Variants in GSAP observed in about 807,000 individuals in gnomAD.
The protein encoded by GSAP is gamma-secretase activating protein, also known as gamma-secretase-activating protein.
Under a neutral mutation model 131.7 loss-of-function variants are expected in GSAP, and 118 were observed. The observed-to-expected ratio is 0.90, with a 90% confidence interval of 0.77 to 1.04. The LOEUF (loss-of-function observed/expected upper bound fraction) is 1.04. Among genes scored for constraint, GSAP ranks in the 50% least tolerant of loss-of-function variants. The pLI, the probability that GSAP is intolerant of heterozygous loss-of-function variation, is 0.00. For synonymous variants in GSAP, 381 were observed against 363.4 expected (o/e 1.05, Z -0.55); for missense variants, 1,019 against 1,013.2 (o/e 1.01, Z -0.08).
chr7:77,379,831 A>G, intron 8 of GSAP: 7 of 982,230 alleles, frequency 7.1e-6, no homozygotes, highest in Non-Finnish European at 7.3e-6. Context: ...GGTAGCCCAG[A>G]GCTCCAGTGA....
Position 77,362,676 on chromosome 7 carries a change from T to C in GSAP, c.872-16A>G, listed in dbSNP as rs774501296. 3.5e-6 allele frequency: 5 copies of C among 1,443,734 alleles called. No homozygotes were observed. The highest frequency in any genetic ancestry group is 1.7e-4 in the Middle Eastern group (1 of 5,754). The allele number at this position is 1,443,734 out of a possible 1,614,324, so 89.4% of individuals were successfully genotyped here. On this transcript the variant is annotated splice_polypyrimidine_tract_variant and intron_variant, in intron 12 of 30. Coordinates refer to ENST00000257626, the MANE Select transcript of GSAP (RefSeq NM_017439.4). ...CACAAACTTCCTAGAAGAAAAAGGA[T>C]ATTTAGTAGAGTTTAACAGAATCTA... is the stretch of plus-strand genomic sequence containing the variant.
intron 19 of GSAP, chr7:77,330,697 T>A (rs1469564823): frequency 1.0e-6 from 1 of 996,170 alleles, no homozygotes; most frequent in Non-Finnish European, 1.2e-6. Context: ...TTAAACACAC[T>A]GAGTCATTTC....
rs761644718 is a variant in GSAP, at chr7:77,330,228, C to G, written c.1674+11G>C. The G allele has an allele frequency of 4.4e-6, 7 of 1,606,762 alleles. No homozygotes were observed. The South Asian group carries it at 6.7e-5, about 15-fold the overall frequency. ...TCGCTGCTGGCTTTGTTCTCACTGA[C>G]CCACTCATACCTCTTCAGAGATCAG... On this transcript the variant is annotated intron_variant, in intron 20 of 30. Transcript: ENST00000257626.
At chr7:77,341,950 C>T (rs1485830484) in intron 19 of GSAP, among the ~76,000 whole-genome samples, 1 of 152,212 alleles carries the variant, frequency 6.6e-6, no homozygotes, top group East Asian at 1.9e-4. Flanking sequence ...TTCAGGACCT[C>T]CTCCCCCAGG....
chr7:77,385,458 C>G (rs1456165270), intron 6 of GSAP, among the ~76,000 whole-genome samples: 4 of 152,196 alleles, frequency 2.6e-5, no homozygotes, highest in Admixed American at 2.6e-4. Context: ...CTTTTAAAAA[C>G]TTTTCCCCTT....
At chr7:77,387,622 T>TCC (rs1459783672) in intron 5 of GSAP, among the ~76,000 whole-genome samples, 174 bp from the exon 6 acceptor site, 3 of 152,132 alleles carry the variant, frequency 2.0e-5, no homozygotes, top group African/African-American at 7.2e-5. Flanking sequence ...GTAAATCTGT[T>TCC]CCCAGTTCTA....
intron 6 of GSAP, among the ~76,000 whole-genome samples, chr7:77,383,364 T>G (rs558690451): frequency 6.6e-6 from 1 of 152,118 alleles, no homozygotes; most frequent in Non-Finnish European, 1.5e-5. Flanking sequence ...ATAGTCGTTG[T>G]GCAACTAAAC....
At chr7:77,386,514 G>A (rs2151067294) in intron 6 of GSAP, among the ~76,000 whole-genome samples, 2 of 152,244 alleles carry the variant, frequency 1.3e-5, no homozygotes, top group East Asian at 3.9e-4. Context: ...TGTTTTGTGT[G>A]TTTCTATTTA....
chr7:77,344,931 C>A (rs910936407), intron 19 of GSAP, among the ~76,000 whole-genome samples: 2 of 151,968 alleles, frequency 1.3e-5, no homozygotes, highest in Admixed American at 1.3e-4. Flanking sequence ...TTACTCACTG[C>A]AACAACAACA....
chr7:77,336,862 G>C (rs1203001507), intron 19 of GSAP, among the ~76,000 whole-genome samples: 2 of 152,040 alleles, frequency 1.3e-5, no homozygotes, highest in Non-Finnish European at 2.9e-5. Context: ...ATAAAATTAA[G>C]GTTTATGGTA....
intron 19 of GSAP, among the ~76,000 whole-genome samples, chr7:77,334,427 G>T (rs946869640): frequency 6.6e-6 from 1 of 151,692 alleles, no homozygotes; most frequent in African/African-American, 2.4e-5. Context: ...CTGTTGGGGG[G>T]TTGGGGGAAG....
intron 19 of GSAP, among the ~76,000 whole-genome samples, chr7:77,343,071 G>T (rs1310542103): frequency 6.6e-6 from 1 of 152,208 alleles, no homozygotes; most frequent in Non-Finnish European, 1.5e-5. Context: ...GTGCAGGGCT[G>T]TATGGTTGGA....
intron 18 of GSAP, among the ~76,000 whole-genome samples, chr7:77,350,580 A>AAG (rs1469335405): frequency 1.3e-5 from 2 of 150,674 alleles, no homozygotes; most frequent in Non-Finnish European, 3.0e-5. Context: ...ACTAAAAAAA[A>AAG]AAAAAAAAAA....
rs530320266 is a variant in GSAP, at chr7:77,399,708, G to C, written c.244-2293C>G. Reference sequence around the variant, plus strand: ...CATTAACTCAAAACTTGAGGTGGGGGGGGGCGGGGCAAAGTGAAGTCAACC... The same window carrying C: ...CATTAACTCAAAACTTGAGGTGGGGCGGGGCGGGGCAAAGTGAAGTCAACC... On this transcript the variant is annotated intron_variant, in intron 3 of 30. Coordinates refer to ENST00000257626, the MANE Select transcript of GSAP (RefSeq NM_017439.4). 3.3e-5 allele frequency among the ~76,000 whole-genome samples: 5 copies of C among 152,056 alleles called. No individual in the cohort carries two copies. In the South Asian group the frequency reaches 1.0e-3, roughly 32 times the overall value.
chr7:77,316,494 C>A (rs183526066), intron 26 of GSAP, among the ~76,000 whole-genome samples: 47 of 152,262 alleles, frequency 3.1e-4, no homozygotes, highest in African/African-American at 1.0e-3. Context: ...AGTCCACTAG[C>A]TTCCCTGAGT....
In GSAP at chr7:77,355,571, G is replaced by T. The variant is rs777710001; in HGVS notation, c.1104C>A (p.His368Gln). Residue 368 changes from histidine (H) to glutamine (Q), a missense_variant, in exon 15 of 31, where the codon CAC becomes CAA. His to Gln is a conservative substitution (Grantham distance 24). Transcript: ENST00000257626. ...LNVQHPDLIC[H>Q]NLFLTGNNEM... The stretch of plus-strand genomic sequence containing the variant: ...TAGCCGTACCTGTCAGAAAGAGATT[G>T]TGGCAGATCAGGTCTGGATGTTGAA... The T allele has an allele frequency of 1.2e-6, 2 of 1,609,098 alleles. No individual in the cohort carries two copies. Among genetic ancestry groups the T allele is most frequent in the Admixed American group, 1.7e-5 (1 of 59,988 alleles).
In GSAP at chr7:77,364,672, TAATAA is replaced by T. The variant is rs201616623; in HGVS notation, c.872-2017_872-2013del. Among the ~76,000 whole-genome samples the T allele has an allele frequency of 3.2e-3, 482 of 152,136 alleles. 1 individual carries two copies. Among genetic ancestry groups the T allele is most frequent in the Admixed American group, 7.2e-3 (109 of 15,214 alleles). ...ATGTACCCTAAAACTTAAAGTGTAA[TAATAA>T]AATAAAATGAGATGTAGAATAAATG... On this transcript the variant is annotated intron_variant, in intron 12 of 30. Coordinates refer to ENST00000257626, the MANE Select transcript of GSAP (RefSeq NM_017439.4).
chr7:77,326,827 T>C (rs1208591926), intron 22 of GSAP: 2 of 152,356 alleles, frequency 1.3e-5, no homozygotes, highest in Non-Finnish European at 2.9e-5. Flanking sequence ...TCCACCATGA[T>C]TTGCAATGCA....
At chr7:77,406,822 G>A (rs969541380) in intron 1 of GSAP, among the ~76,000 whole-genome samples, 16 of 152,182 alleles carry the variant, frequency 1.1e-4, no homozygotes, top group African/African-American at 3.9e-4. Context: ...GTAGGGAGAG[G>A]GAGAAGAGCT....
Sources: gnomAD v4.1 joint callset for allele counts (sites outside exome capture counted in the v4.1 genomes callset) on GRCh38, gnomAD v4.1.1 for gene constraint, MANE v1.5 for transcripts, NCBI Gene and HGNC (gene_info 2026-07-23, HGNC 2026-07-21) for gene names.